Variants in CCDC68 observed in about 807,000 individuals in gnomAD.
CCDC68 encodes coiled-coil domain-containing protein 68.
In CCDC68, 45 loss-of-function variants were observed where a neutral mutation model predicts 47.1. That is an observed-to-expected ratio of 0.96 (90% confidence interval 0.75 to 1.23). The LOEUF (loss-of-function observed/expected upper bound fraction) is 1.23. Among genes scored for constraint, CCDC68 ranks in the 50% most tolerant of loss-of-function variants. The probability of loss-of-function intolerance (pLI) is 0.00; values close to 1 mark genes in which losing one functional copy is unlikely to be tolerated. For synonymous variants in CCDC68, 131 were observed against 129.5 expected (o/e 1.01, Z -0.08); for missense variants, 353 against 373.6 (o/e 0.94, Z 0.45).
intron 8 of CCDC68, among the ~76,000 whole-genome samples, chr18:54,922,276 G>A (rs371590320): frequency 3.9e-5 from 6 of 152,160 alleles, no homozygotes; most frequent in East Asian, 1.9e-4. Flanking sequence ...AGGATGTTGC[G>A]GGGAGATGGA....
chr18:54,906,694 G>A, intron 11 of CCDC68, among the ~76,000 whole-genome samples: 1 of 152,162 alleles, frequency 6.6e-6, no homozygotes, highest in East Asian at 1.9e-4. Flanking sequence ...CCCAACTGAA[G>A]TGACTCGACT....
rs1913752774 is a variant in CCDC68, at chr18:54,902,695, A to G, written c.*1663T>C. The G allele has an allele frequency of 6.6e-6, 1 of 152,242 alleles. No individual in the cohort carries two copies. Among genetic ancestry groups the G allele is most frequent in the South Asian group, 2.1e-4 (1 of 4,836 alleles). The allele number at this position is 152,242 out of a possible 1,614,324, so 9.4% of individuals were successfully genotyped here. ...CATCCACAAAATAACACAGGCAGTC[A>G]TCCAGGAAGCTATGTGTTGATTAAA... On this transcript the variant is annotated 3_prime_UTR_variant, in exon 12 of 12. Transcript: ENST00000591504.
intron 6 of CCDC68, 50 bp from the exon 7 acceptor site, chr18:54,934,998 C>T (rs1048543267): frequency 7.1e-7 from 1 of 1,405,668 alleles, no homozygotes; most frequent in Non-Finnish European, 9.3e-7. Context: ...TTTCTTAAAC[C>T]TATACACATA....
At position 54,908,970 on chromosome 18, in the gene CCDC68, G is replaced by A. The variant is rs569088220; in HGVS notation, c.874-1108C>T. Among the ~76,000 whole-genome samples, 5 of 152,186 alleles carry A rather than the reference G, an allele frequency of 3.3e-5. No homozygotes were observed. The East Asian group carries it at 7.7e-4, about 24-fold the overall frequency. On this transcript the variant is annotated intron_variant, in intron 10 of 11. Coordinates refer to ENST00000591504, the MANE Select transcript of CCDC68 (RefSeq NM_025214.3). ...AGCAGTCCACCTGCCTCAGCCTCCC[G>A]AAGTGCTGGGATTGTAGGTGTGAGC...
chr18:54,917,740 A>G (rs528967781), intron 10 of CCDC68, among the ~76,000 whole-genome samples, 173 bp downstream of exon 10: 13 of 152,018 alleles, frequency 8.6e-5, no homozygotes, highest in Admixed American at 3.3e-4. Context: ...ACAGACACTC[A>G]TATGCCCGCT....
At chr18:54,909,781 G>A (rs1224865138) in intron 10 of CCDC68, among the ~76,000 whole-genome samples, 13 of 152,220 alleles carry the variant, frequency 8.5e-5, no homozygotes, top group African/African-American at 1.7e-4. Flanking sequence ...AGCTGGCACC[G>A]GGGAACACGG....
chr18:54,927,017 G>C (rs1232421630), intron 8 of CCDC68, among the ~76,000 whole-genome samples: 1 of 152,188 alleles, frequency 6.6e-6, no homozygotes, highest in African/African-American at 2.4e-5. Flanking sequence ...TGACTTTTCT[G>C]TCTCTTTTTT....
At chr18:54,931,284 A>G (rs1354253056) in intron 7 of CCDC68, among the ~76,000 whole-genome samples, 1 of 152,128 alleles carries the variant, frequency 6.6e-6, no homozygotes. Flanking sequence ...TCACCATACC[A>G]GATAGCGCTT....
intron 11 of CCDC68, among the ~76,000 whole-genome samples, chr18:54,907,118 CTA>C (rs1185632338): frequency 6.6e-6 from 1 of 152,114 alleles, no homozygotes; most frequent in Non-Finnish European, 1.5e-5. Flanking sequence ...TAATTAGAGA[CTA>C]TGTTTTCTTT....
chr18:54,915,181 G>A (rs1322822202), intron 10 of CCDC68, among the ~76,000 whole-genome samples: 1 of 152,210 alleles, frequency 6.6e-6, no homozygotes, highest in Non-Finnish European at 1.5e-5. Context: ...AGCTATTGGA[G>A]CCACAATAGG....
At chr18:54,913,386 T>C (rs916253979) in intron 10 of CCDC68, among the ~76,000 whole-genome samples, 1 of 152,200 alleles carries the variant, frequency 6.6e-6, no homozygotes, top group Non-Finnish European at 1.5e-5. Context: ...CTCCTGTTAT[T>C]TTAGGAATTC....
chr18:54,934,820 C>G lies in CCDC68; in HGVS notation c.600G>C (p.Lys200Asn). 1 of 1,520,230 alleles carries G rather than the reference C, an allele frequency of 6.6e-7. No homozygotes were observed. Among genetic ancestry groups the G allele is most frequent in the Non-Finnish European group, 8.8e-7 (1 of 1,136,342 alleles). 94.2% of individuals were successfully genotyped at this position (1,520,230 alleles called of 1,614,324 possible). The change falls in exon 7 of 12, where the codon AAG (lysine) becomes AAC (asparagine). Residue 200 changes from lysine to asparagine, a missense_variant and splice_region_variant. By Grantham distance (94) the Lys-to-Asn change is moderately conservative (BLOSUM62 0). Coordinates refer to ENST00000591504, the MANE Select transcript of CCDC68 (RefSeq NM_025214.3). ...ELENLVQRME[K>N]EKRTLLERKL... ...ATCCTCTAATTCTCCAGGGGCGTACCTTTTCCATTCTCTGTACAAGGTTCT... is the reference window on the plus strand; with the variant it reads ...ATCCTCTAATTCTCCAGGGGCGTACGTTTTCCATTCTCTGTACAAGGTTCT...
intron 1 of CCDC68, chr18:54,954,711 A>T (rs1397723510): frequency 6.6e-6 from 1 of 152,226 alleles, no homozygotes; most frequent in Admixed American, 6.5e-5. Context: ...CTTAGGAGAT[A>T]CTTGCTATAA....
intron 2 of CCDC68, among the ~76,000 whole-genome samples, chr18:54,944,153 T>C (rs1373919694): frequency 6.6e-6 from 1 of 152,066 alleles, no homozygotes; most frequent in East Asian, 1.9e-4. Flanking sequence ...AACCTAGAAA[T>C]AGTAGCAGTT....
chr18:54,921,630 G>A (rs944219649), intron 8 of CCDC68, among the ~76,000 whole-genome samples: 3 of 152,150 alleles, frequency 2.0e-5, no homozygotes, highest in African/African-American at 7.2e-5. Flanking sequence ...AAAATGACGG[G>A]GGAACAAGAA....
chr18:54,928,701 T>G, intron 8 of CCDC68, 99 bp downstream of exon 8: 1 of 739,052 alleles, frequency 1.4e-6, no homozygotes. Flanking sequence ...GTCATCCTAT[T>G]TCTTTGGGGG....
chr18:54,904,342 T>C lies in CCDC68; in HGVS notation c.*16A>G. The C allele has an allele frequency of 6.2e-7, 1 of 1,602,252 alleles. No homozygotes were observed. The highest frequency in any genetic ancestry group is 1.1e-5 in the South Asian group (1 of 90,748). The stretch of plus-strand genomic sequence containing the variant: ...ACTCACGCAGTCTTTCTAAATCAGA[T>C]CTTCATCCAGCCAGTTCATTTCCGT... On this transcript the variant is annotated 3_prime_UTR_variant, in exon 12 of 12. Transcript: ENST00000591504.
chr18:54,919,524 A>G (rs2044017342), intron 8 of CCDC68, 148 bp from the exon 9 acceptor site: 1 of 628,888 alleles, frequency 1.6e-6, no homozygotes, highest in African/African-American at 1.8e-5. Context: ...CACATAGGAC[A>G]CACTGAAGAT....
At chr18:54,904,554 A>AGAT (rs1178110666) in intron 11 of CCDC68, 139 bp from the exon 12 acceptor site, 1 of 673,384 alleles carries the variant, frequency 1.5e-6, no homozygotes, top group Admixed American at 2.7e-5. Flanking sequence ...ATGTGTTAAT[A>AGAT]GATGTATTCT....
Sources: allele counts gnomAD v4.1 joint callset (sites outside exome capture counted in the v4.1 genomes callset), GRCh38; gene constraint gnomAD v4.1.1; transcripts MANE v1.5; gene names NCBI Gene and HGNC (gene_info 2026-07-23, HGNC 2026-07-21).